The following MERTK variants were observed in gnomAD, a reference collection of about 807,000 sequenced individuals.
MERTK encodes tyrosine-protein kinase Mer.
A neutral mutation model predicts 99.3 loss-of-function variants in MERTK; 69 were observed. The ratio of observed to expected loss-of-function variants is 0.70; its 90% confidence interval spans 0.57 to 0.85. The LOEUF (loss-of-function observed/expected upper bound fraction) is 0.85. MERTK is among the 40% of genes least tolerant of loss of function. MERTK has a pLI of 0.00. For synonymous variants in MERTK, 426 were observed against 467.6 expected (o/e 0.91, Z 1.15); for missense variants, 1,125 against 1,249.4 (o/e 0.90, Z 1.50).
At chr2:111,975,025 T>G (rs1374412715) in intron 6 of MERTK, among the ~76,000 whole-genome samples, 1 of 152,166 alleles carries the variant, frequency 6.6e-6, no homozygotes, top group East Asian at 1.9e-4. Flanking sequence ...ATTCTAATCA[T>G]CATAATTATT....
chr2:112,003,976 C>G lies in MERTK; in HGVS notation c.1859C>G (p.Thr620Ser). 6.2e-7 allele frequency: 1 copy of G among 1,612,358 alleles called. No homozygotes were observed. Among genetic ancestry groups the G allele is most frequent in the Non-Finnish European group, 8.5e-7 (1 of 1,178,558 alleles). Residue 620 changes from threonine to serine, a missense_variant, in exon 13 of 19, where the codon ACC (threonine) becomes AGC (serine). Thr to Ser is a moderately conservative substitution (Grantham distance 58, BLOSUM62 1). Transcript: ENST00000295408. ...ACCTCTCTGAAAGTGGCAGTGAAGA[C>G]CATGAAGTGTGAGTTATCAGTGATG... ...DGTSLKVAVK[T>S]MKLDNSSQRE...
At chr2:111,939,453 C>A (rs1684821516) in intron 2 of MERTK, among the ~76,000 whole-genome samples, 1 of 151,776 alleles carries the variant, frequency 6.6e-6, no homozygotes, top group African/African-American at 2.4e-5. Context: ...AATATTCAAG[C>A]CATAGCACTT....
intron 6 of MERTK, among the ~76,000 whole-genome samples, chr2:111,974,791 AAGAAAG>A (rs1193732885): frequency 7.2e-6 from 1 of 139,284 alleles, no homozygotes; most frequent in African/African-American, 2.6e-5. Flanking sequence ...AAAAAAAAAA[AAGAAAG>A]AAAAGAAAAG....
chr2:111,932,286 A>T (rs1218166876), intron 2 of MERTK, among the ~76,000 whole-genome samples: 1 of 152,110 alleles, frequency 6.6e-6, no homozygotes, highest in East Asian at 1.9e-4. Context: ...GGTTCATGCC[A>T]TTCTCCTGCC....
rs1456656558 is a variant in MERTK, at chr2:111,966,160, T to C, written c.844+883T>C. On this transcript the variant is annotated intron_variant, in intron 5 of 18. Coordinates refer to ENST00000295408, the MANE Select transcript of MERTK (RefSeq NM_006343.3). ...AAATATTGAGAAGTAATTATTTGGC[T>C]CATGTTCTTTTCCTCTTGTCCTTAG... 1.3e-5 allele frequency among the ~76,000 whole-genome samples: 2 copies of C among 152,224 alleles called. 1 individual carries two copies. Among genetic ancestry groups the C allele is most frequent in the Non-Finnish European group, 2.9e-5 (2 of 68,048 alleles).
At chr2:112,001,735 G>A (rs1279574098) in intron 11 of MERTK, among the ~76,000 whole-genome samples, 1 of 152,152 alleles carries the variant, frequency 6.6e-6, no homozygotes, top group African/African-American at 2.4e-5. Flanking sequence ...GGTTTAAACA[G>A]CGGAAATAAA....
intron 1 of MERTK, among the ~76,000 whole-genome samples, chr2:111,917,695 G>A (rs1573568915): frequency 6.6e-6 from 1 of 152,044 alleles, no homozygotes; most frequent in Admixed American, 6.5e-5. Context: ...GACCATCCTG[G>A]CCAACATGGT....
chr2:111,935,370 C>G (rs191120473), intron 2 of MERTK, among the ~76,000 whole-genome samples: 29 of 152,230 alleles, frequency 1.9e-4, no homozygotes, highest in Non-Finnish European at 3.5e-4. Flanking sequence ...GTACTGTTGC[C>G]TTCAGATTTT....
intron 13 of MERTK, among the ~76,000 whole-genome samples, chr2:112,006,618 A>G (rs1027984173): frequency 1.3e-5 from 2 of 152,170 alleles, no homozygotes; most frequent in African/African-American, 2.4e-5. Flanking sequence ...CTCTGCAGTT[A>G]TTTAATTTCA....
intron 3 of MERTK, among the ~76,000 whole-genome samples, chr2:111,945,631 A>T (rs1684949193): frequency 6.6e-6 from 1 of 152,218 alleles, no homozygotes; most frequent in Non-Finnish European, 1.5e-5. Context: ...AGAGTGAGAC[A>T]TCAGGCTAGG....
chr2:111,917,991 C>T (rs1199053264), intron 1 of MERTK, among the ~76,000 whole-genome samples: 4 of 151,836 alleles, frequency 2.6e-5, no homozygotes, highest in Non-Finnish European at 4.4e-5. Flanking sequence ...GTTGTGCAGT[C>T]GTGGCCACCA....
chr2:111,921,502 CAA>C (rs57283084), intron 1 of MERTK, among the ~76,000 whole-genome samples: 76,207 of 137,730 alleles, frequency 0.55, 19,803 homozygotes, highest in Middle Eastern at 0.62. Flanking sequence ...GACGCGATCT[CAA>C]AAAAAAAAAA....
Position 112,029,312 on chromosome 2 carries a change from G to T in MERTK, c.*448G>T. On this transcript the variant is annotated 3_prime_UTR_variant, in exon 19 of 19. Transcript: ENST00000295408. ...AAGAATGATTCATTCAATGTTTAAA[G>T]TTGTATAACTGATTAATTTTCTGAT... 1 of 951,880 alleles carries T rather than the reference G, an allele frequency of 1.1e-6. No individual in the cohort carries two copies. Among genetic ancestry groups the T allele is most frequent in the Non-Finnish European group, 1.3e-6 (1 of 798,166 alleles). The allele number at this position is 951,880 out of a possible 1,614,324, so 59.0% of individuals were successfully genotyped here.
chr2:111,981,131 A>C (rs1303763669), intron 7 of MERTK, among the ~76,000 whole-genome samples: 1 of 152,182 alleles, frequency 6.6e-6, no homozygotes, highest in Non-Finnish European at 1.5e-5. Context: ...TGTTTCTGGA[A>C]TCAGCAGAGA....
intron 1 of MERTK, among the ~76,000 whole-genome samples, chr2:111,925,855 C>CAA (rs745513477): frequency 3.5e-4 from 52 of 148,426 alleles, no homozygotes; most frequent in Non-Finnish European, 6.8e-4. Flanking sequence ...TTTTCTGAGA[C>CAA]AGAGTCTCGC....
chr2:112,016,561 TCTCCAGGAGGG>T (rs1272669120), intron 15 of MERTK, among the ~76,000 whole-genome samples: 1 of 152,182 alleles, frequency 6.6e-6, no homozygotes, highest in Non-Finnish European at 1.5e-5. Flanking sequence ...TAAACATGCT[TCTCCAGGAGGG>T]CTAGGGTGCT....
chr2:112,029,401 A>AATCTCC lies in MERTK; in HGVS notation c.*537_*538insATCTCC. On this transcript the variant is annotated 3_prime_UTR_variant, in exon 19 of 19. Coordinates refer to ENST00000295408, the MANE Select transcript of MERTK (RefSeq NM_006343.3). The stretch of plus-strand genomic sequence containing the variant: ...TGAACTTACTTGAGACTTGAAAGAC[A>AATCTCC]GTGGTCGGCAGCGGCCTTGTGGCCT... 1.1e-6 allele frequency: 1 copy of AATCTCC among 905,450 alleles called. No individual in the cohort carries two copies. Among genetic ancestry groups the AATCTCC allele is most frequent in the Admixed American group, 6.1e-5 (1 of 16,396 alleles). The allele number at this position is 905,450 out of a possible 1,614,324, so 56.1% of individuals were successfully genotyped here. A position where few individuals can be genotyped will look rare whatever the true frequency, so the allele number is the denominator to read the frequency against.
In MERTK at chr2:111,929,155, C is replaced by T. The variant is rs773279871; in HGVS notation, c.97C>T (p.Pro33Ser). 20 of 1,614,120 alleles carry T rather than the reference C, an allele frequency of 1.2e-5. No homozygotes were observed. Among genetic ancestry groups the T allele is most frequent in the Middle Eastern group, 3.3e-4 (2 of 6,062 alleles). ...TEAREEAKPY[P>S]LFPGPFPGSL... ...GGCAAGGGAAGAAGCCAAGCCTTACCCGCTATTCCCGGGACCTTTTCCAGG... is the reference window on the plus strand; with the variant it reads ...GGCAAGGGAAGAAGCCAAGCCTTACTCGCTATTCCCGGGACCTTTTCCAGG... Residue 33 changes from proline to serine, a missense_variant, in exon 2 of 19, where the codon CCG becomes TCG. Transcript: ENST00000295408.
intron 14 of MERTK, among the ~76,000 whole-genome samples, chr2:112,009,148 C>T (rs1677044738): frequency 6.6e-6 from 1 of 152,210 alleles, no homozygotes; most frequent in Non-Finnish European, 1.5e-5. Flanking sequence ...TGACTGCATA[C>T]ATGCTAAGTT....
Sources: allele counts gnomAD v4.1 joint callset (sites outside exome capture counted in the v4.1 genomes callset), GRCh38; gene constraint gnomAD v4.1.1; transcripts MANE v1.5; gene names NCBI Gene and HGNC (gene_info 2026-07-23, HGNC 2026-07-21).